HDGF: variants seen among roughly 807,000 people sequenced by gnomAD.
HDGF encodes the protein hepatoma-derived growth factor.
HDGF carries 5 observed loss-of-function variants against 30.0 expected under a neutral mutation model. That is an observed-to-expected ratio of 0.17 (90% CI 0.09 to 0.35). The LOEUF (loss-of-function observed/expected upper bound fraction) is 0.35. Among genes scored for constraint, HDGF ranks in the 10% least tolerant of loss-of-function variants. HDGF has a pLI of 1.00. For synonymous variants in HDGF, 133 were observed against 112.7 expected (o/e 1.18, Z -1.14); for missense variants, 214 against 302.8 (o/e 0.71, Z 2.18).
At chr1:156,758,826 T>C (rs994712561) in intron 2 of HDGF, among the ~76,000 whole-genome samples, 1 of 152,078 alleles carries the variant, frequency 6.6e-6, no homozygotes, top group African/African-American at 2.4e-5. Flanking sequence ...TAGAGTTAGA[T>C]TTAATTGCCA....
At position 156,758,608 on chromosome 1, in the gene HDGF, T is replaced by TAAATAAAAATAAATAAATAAATAAAAAA. The variant is rs1553251127; in HGVS notation, n.373+374_373+375insTTTTTTATTTATTTATTTATTTTTATTT. On this transcript the variant is annotated intron_variant and non_coding_transcript_variant, in intron 2 of 7. Transcript: ENST00000465180. ...ACTCCGTCTCAAAAAAAAAAATAAA[T>TAAATAAAAATAAATAAATAAATAAAAAA]AAATAAATAAATAAAAAAAATTAGC... Among the ~76,000 whole-genome samples, 14 of 92,042 alleles carry TAAATAAAAATAAATAAATAAATAAAAAA rather than the reference T, an allele frequency of 1.5e-4. 1 individual carries two copies. Among genetic ancestry groups the TAAATAAAAATAAATAAATAAATAAAAAA allele is most frequent in the Non-Finnish European group, 2.2e-4 (10 of 45,050 alleles). The allele number at this position is 92,042 out of a possible 152,430, so 60.4% of individuals were successfully genotyped here. A position where few individuals can be genotyped will look rare whatever the true frequency, so the allele number is the denominator to read the frequency against.
At chr1:156,745,995 G>C (rs1174231560) in intron 1 of HDGF, among the ~76,000 whole-genome samples, 1 of 152,180 alleles carries the variant, frequency 6.6e-6, no homozygotes, top group Non-Finnish European at 1.5e-5. Flanking sequence ...GCTTTCATCA[G>C]CCTCTCCCAG....
At chr1:156,743,545 A>C (rs1571538169) in intron 5 of HDGF, 90 bp from the exon 6 acceptor site, 1 of 1,576,078 alleles carries the variant, frequency 6.3e-7, no homozygotes, top group Non-Finnish European at 8.7e-7. Context: ...AGGAGAGCCC[A>C]CCCTGCCTCC....
At chr1:156,764,867 C>G (rs1651324232) in intron 1 of HDGF, among the ~76,000 whole-genome samples, 1 of 139,396 alleles carries the variant, frequency 7.2e-6, no homozygotes, top group Non-Finnish European at 1.5e-5. Flanking sequence ...GCATGGGCGA[C>G]AGTACAAGAC....
Position 156,742,512 on chromosome 1 carries a change from A to AG in HDGF, c.*936dup, listed in dbSNP as rs1650193995. Reference sequence around the variant, plus strand: ...CAGAATGGAGAGCACACAAAGGGTTAGGGGTCTTTAAAATTTTTTTTTGTA... The same window carrying AG: ...CAGAATGGAGAGCACACAAAGGGTTAGGGGGTCTTTAAAATTTTTTTTTGTA... On this transcript the variant is annotated 3_prime_UTR_variant, in exon 6 of 6. Transcript: ENST00000357325. 2 of 152,476 alleles carry AG rather than the reference A, an allele frequency of 1.3e-5. No homozygotes were observed. Among genetic ancestry groups the AG allele is most frequent in the Non-Finnish European group, 2.9e-5 (2 of 68,066 alleles). The allele number at this position is 152,476 out of a possible 1,614,324, so 9.4% of individuals were successfully genotyped here.
intron 1 of HDGF, among the ~76,000 whole-genome samples, chr1:156,765,468 C>CTTT (rs35238313): frequency 1.2e-5 from 1 of 86,424 alleles, no homozygotes; most frequent in African/African-American, 3.7e-5. Flanking sequence ...TTCTTTCTTT[C>CTTT]TTTCTTTTTT....
At position 156,749,885 on chromosome 1, in the gene HDGF, C is replaced by T. The variant is rs371489935; in HGVS notation, c.87+1458G>A. On this transcript the variant is annotated intron_variant, in intron 1 of 5. Transcript: ENST00000357325. ...AGACCTGGGTTCAGTTCTTGTCCTA[C>T]CCACCAGGGCCTTGGCATCTGGGCC... 9.2e-5 allele frequency among the ~76,000 whole-genome samples: 14 copies of T among 152,344 alleles called. 2 individuals are homozygous for T. Among genetic ancestry groups the T allele is most frequent in the Admixed American group, 7.8e-4 (12 of 15,298 alleles).
chr1:156,761,174 G>A (rs568783294), intron 1 of HDGF, among the ~76,000 whole-genome samples: 20 of 152,176 alleles, frequency 1.3e-4, no homozygotes, highest in Middle Eastern at 6.8e-3. Context: ...TTAGCTGGGC[G>A]TGGTGGAGCG....
chr1:156,746,863 C>A (rs932938133), intron 1 of HDGF, among the ~76,000 whole-genome samples: 2 of 152,200 alleles, frequency 1.3e-5, no homozygotes, highest in African/African-American at 4.8e-5. Context: ...CAGTGATTAA[C>A]ACACAGAGAC....
In HDGF at chr1:156,751,401, T is replaced by A. The variant is rs1406464385; in HGVS notation, c.29A>T (p.Tyr10Phe). 6.2e-7 allele frequency: 1 copy of A among 1,605,474 alleles called. No individual in the cohort carries two copies. The highest frequency in any genetic ancestry group is 1.4e-5 in the African/African-American group (1 of 74,050). Residue 10 changes from tyrosine to phenylalanine, a missense_variant, in exon 1 of 6, where the codon TAC becomes TTC. Around this residue, in one of 2 missense-constraint regions of HDGF, gnomAD observed 38 missense variants for 91.1 expected, o/e 0.42. Transcript: ENST00000357325. This position sits in a 1 kb window ranked among gnomAD's most constrained non-coding sequence, Gnocchi z 4.7. Reference sequence around the variant, plus strand: ...GGCGAACACCAGGTCCCCGCATTTGTACTCCTTCTGCCGGTTGGATCGCGA... The same window carrying A: ...GGCGAACACCAGGTCCCCGCATTTGAACTCCTTCTGCCGGTTGGATCGCGA... The part of the protein sequence containing the change: MSRSNRQKE[Y>F]KCGDLVFAKM...
chr1:156,767,321 A>AC (rs1651418607), upstream of HDGF, among the ~76,000 whole-genome samples: 1 of 152,060 alleles, frequency 6.6e-6, no homozygotes, highest in Non-Finnish European at 1.5e-5. Flanking sequence ...TTGTTAGGCG[A>AC]CGAAAAAAAC....
chr1:156,749,278 G>A (rs531996822), intron 1 of HDGF, among the ~76,000 whole-genome samples: 29 of 152,314 alleles, frequency 1.9e-4, no homozygotes, highest in East Asian at 7.7e-4. Context: ...TGAGATGGAC[G>A]AGTCAGTGAG....
chr1:156,745,193 G>T (rs1367048609), intron 2 of HDGF, 47 bp from the exon 3 acceptor site: 3 of 1,613,134 alleles, frequency 1.9e-6, no homozygotes, highest in Admixed American at 3.3e-5. Flanking sequence ...CACTGCCCCT[G>T]AGCTGCACAG....
intron 1 of HDGF, among the ~76,000 whole-genome samples, chr1:156,759,397 C>T (rs1280992655): frequency 2.6e-5 from 4 of 151,878 alleles, no homozygotes; most frequent in African/African-American, 4.8e-5. Flanking sequence ...TGTGACACAC[C>T]GTATACACTT....
At position 156,751,299 on chromosome 1, in the gene HDGF, C is replaced by G; in HGVS notation, c.87+44G>C. ...CGTGCCCTTCCCGGTGTTATGCAAC[C>G]CAAGCCCGCAGGGGGTTAGGGGGCG... is the stretch of plus-strand genomic sequence containing the variant. On this transcript the variant is annotated intron_variant, in intron 1 of 5. Transcript: ENST00000357325. This position sits in a 1 kb window ranked among gnomAD's most constrained non-coding sequence, Gnocchi z 4.7. 6.3e-7 allele frequency: 1 copy of G among 1,593,418 alleles called. No homozygotes were observed. Among genetic ancestry groups the G allele is most frequent in the Non-Finnish European group, 8.6e-7 (1 of 1,169,014 alleles).
upstream of HDGF, chr1:156,752,024 C>G: frequency 6.5e-7 from 1 of 1,550,360 alleles, no homozygotes; most frequent in South Asian, 1.2e-5. Flanking sequence ...CCCCCGACTC[C>G]GCGGAGCGCT....
At chr1:156,759,474 C>A (rs955117157) in intron 1 of HDGF, among the ~76,000 whole-genome samples, 11 of 149,062 alleles carry the variant, frequency 7.4e-5, no homozygotes, top group African/African-American at 2.7e-4. Context: ...ATCTCATACC[C>A]CATTCTTTTT....
chr1:156,748,298 T>C (rs539359283), intron 1 of HDGF, among the ~76,000 whole-genome samples: 1 of 152,306 alleles, frequency 6.6e-6, no homozygotes, highest in South Asian at 2.1e-4. Context: ...CATTTGGAAG[T>C]GGAGGGCAGT....
At chr1:156,761,184 G>A (rs1032810923) in intron 1 of HDGF, among the ~76,000 whole-genome samples, 4 of 151,798 alleles carry the variant, frequency 2.6e-5, no homozygotes, top group African/African-American at 4.8e-5. Flanking sequence ...GTGGTGGAGC[G>A]TGCCTGTAAT....
Sources: gnomAD v4.1 joint callset for allele counts (sites outside exome capture counted in the v4.1 genomes callset) on GRCh38, gnomAD v4.1.1 for gene constraint, gnomAD v4.1.1 regional missense constraint, Gnocchi (gnomAD v3.1) non-coding constraint, MANE v1.5 for transcripts, NCBI Gene and HGNC (gene_info 2026-07-23, HGNC 2026-07-21) for gene names.